Variants in ZNF469 observed in about 807,000 individuals in gnomAD.
The protein encoded by ZNF469 is zinc finger protein 469.
ZNF469 carries 1 observed loss-of-function variant against 1.0 expected under a neutral mutation model. That is an observed-to-expected ratio of 1.00 (90% CI 0.35 to 4.73). ZNF469 has a LOEUF of 4.73. ZNF469 is among the 30% of genes most tolerant of loss of function. The pLI is 0.16. For synonymous variants in ZNF469, 2,703 were observed against 2,363.4 expected (o/e 1.14, Z -4.17); for missense variants, 6,100 against 5,356.3 (o/e 1.14, Z -4.33).
At chr16:88,398,213 C>G (rs1013099861) in intron 1 of ZNF469, among the ~76,000 whole-genome samples, 2 of 152,094 alleles carry the variant, frequency 1.3e-5, no homozygotes, top group African/African-American at 2.4e-5. Context: ...CTCCACCACC[C>G]TCCTCACTAC....
chr16:88,399,905 C>T (rs1029047016), intron 1 of ZNF469, among the ~76,000 whole-genome samples: 2 of 152,222 alleles, frequency 1.3e-5, no homozygotes, highest in Non-Finnish European at 2.9e-5. Flanking sequence ...GGGGCCACCT[C>T]AGGAGAAGCA....
At chr16:88,142,900 C>A in the ZNF469 span, among the ~76,000 whole-genome samples, 1 of 152,214 alleles carries the variant, frequency 6.6e-6, no homozygotes, top group Non-Finnish European at 1.5e-5. Flanking sequence ...TCACCCTCCA[C>A]GCACAGGGGC....
chr16:88,345,023 C>G, the ZNF469 span, among the ~76,000 whole-genome samples: 1 of 152,204 alleles, frequency 6.6e-6, no homozygotes, highest in African/African-American at 2.4e-5. Flanking sequence ...GCCCAGAGCC[C>G]TACAGCAGGT....
At chr16:88,191,586 A>C in the ZNF469 span, 1 of 152,314 alleles carries the variant, frequency 6.6e-6, no homozygotes, top group African/African-American at 2.4e-5. Context: ...GACCGCCCTG[A>C]GGGCAGGAGA....
chr16:88,233,770 G>A, the ZNF469 span, among the ~76,000 whole-genome samples: 1 of 152,268 alleles, frequency 6.6e-6, no homozygotes, highest in African/African-American at 2.4e-5. Flanking sequence ...CCCCGATGGG[G>A]ACGTAGAGGA....
the ZNF469 span, among the ~76,000 whole-genome samples, chr16:88,207,905 A>G: frequency 3.3e-5 from 5 of 152,222 alleles, no homozygotes; most frequent in African/African-American, 9.6e-5. Context: ...ACGCGGTCAC[A>G]GGCTCGAGGG....
the ZNF469 span, among the ~76,000 whole-genome samples, chr16:88,354,558 C>T: frequency 8.5e-5 from 13 of 152,292 alleles, no homozygotes; most frequent in African/African-American, 2.4e-5. Flanking sequence ...GTAGGGATAG[C>T]GGGACCAAGT....
At chr16:88,409,235 T>C (rs1905083722) in intron 1 of ZNF469, among the ~76,000 whole-genome samples, 1 of 152,188 alleles carries the variant, frequency 6.6e-6, no homozygotes, top group South Asian at 2.1e-4. Flanking sequence ...TGACTCAGTT[T>C]CCCCACCTGC....
chr16:88,393,587 C>T (rs1287356360), intron 1 of ZNF469, among the ~76,000 whole-genome samples: 1 of 152,190 alleles, frequency 6.6e-6, no homozygotes, highest in Non-Finnish European at 1.5e-5. Context: ...AGTGGGTTCG[C>T]CCCAGTGCCG....
chr16:88,220,615 A>G, the ZNF469 span, among the ~76,000 whole-genome samples: 8 of 152,104 alleles, frequency 5.3e-5, no homozygotes, highest in Admixed American at 4.6e-4. Flanking sequence ...GACACTGTGA[A>G]CTAATCACAG....
the ZNF469 span, among the ~76,000 whole-genome samples, chr16:88,233,694 T>A: frequency 6.6e-6 from 1 of 152,202 alleles, no homozygotes; most frequent in Non-Finnish European, 1.5e-5. Context: ...GGAAGGCAGA[T>A]GTTTTGGGGC....
chr16:88,141,881 C>T, the ZNF469 span, among the ~76,000 whole-genome samples: 4 of 152,190 alleles, frequency 2.6e-5, no homozygotes, highest in Admixed American at 6.5e-5. Flanking sequence ...CCAGCCCTGC[C>T]GACACCTTGA....
chr16:88,171,898 G>A, the ZNF469 span, among the ~76,000 whole-genome samples: 922 of 152,318 alleles, frequency 6.1e-3, 5 homozygotes, highest in African/African-American at 0.019. Flanking sequence ...CTAATACGGG[G>A]TAACAGGAAT....
At chr16:88,377,091 G>A in the ZNF469 span, among the ~76,000 whole-genome samples, 1 of 152,252 alleles carries the variant, frequency 6.6e-6, no homozygotes, top group African/African-American at 2.4e-5. Flanking sequence ...GCAGAGATGG[G>A]ACTCGACCCA....
the ZNF469 span, among the ~76,000 whole-genome samples, chr16:88,239,703 ATATATATATATATTTTTTTTTTTTTT>A: frequency 0.041 from 256 of 6,314 alleles, 32 homozygotes; most frequent in African/African-American, 0.12. Flanking sequence ...ATATATATAT[ATATATATATATATTTTTTTTTTTTTT>A]TTTTTTTTTT....
intron 1 of ZNF469, among the ~76,000 whole-genome samples, chr16:88,389,320 G>A (rs62048989): frequency 4.0e-3 from 602 of 152,346 alleles, no homozygotes; most frequent in Admixed American, 7.5e-3. Context: ...CATCTGTGCC[G>A]TGGCGGGAGT....
At chr16:88,263,667 G>A in the ZNF469 span, among the ~76,000 whole-genome samples, 4 of 152,106 alleles carry the variant, frequency 2.6e-5, no homozygotes, top group African/African-American at 4.8e-5. Context: ...TCCCTTTTCC[G>A]GGGGGTCCAG....
intron 1 of ZNF469, among the ~76,000 whole-genome samples, chr16:88,415,318 G>C (rs2142286335): frequency 6.6e-6 from 1 of 152,244 alleles, no homozygotes; most frequent in African/African-American, 2.4e-5. Flanking sequence ...GCCTCGAACT[G>C]CCCAAGGCTC....
chr16:88,304,698 C>T, the ZNF469 span, among the ~76,000 whole-genome samples: 1 of 152,244 alleles, frequency 6.6e-6, no homozygotes, highest in African/African-American at 2.4e-5. Flanking sequence ...CCCCCATCAT[C>T]TCAGTGTTTT....
Sources: allele counts gnomAD v4.1 joint callset (sites outside exome capture counted in the v4.1 genomes callset), GRCh38; gene constraint gnomAD v4.1.1; transcripts MANE v1.5; gene names NCBI Gene and HGNC (gene_info 2026-07-23, HGNC 2026-07-21).